Variants in HPSE2 observed in about 807,000 individuals in gnomAD.
HPSE2 encodes the protein heparanase 2 (inactive).
Under a neutral mutation model 60.5 loss-of-function variants are expected in HPSE2, and 38 were observed. That is an observed-to-expected ratio of 0.63 (90% CI 0.48 to 0.82). HPSE2 has a LOEUF of 0.82. Ranked by LOEUF, HPSE2 falls within the 40% of genes least tolerant of loss-of-function variation. The pLI is 0.00. For synonymous variants in HPSE2, 295 were observed against 293.2 expected (o/e 1.01, Z -0.06); for missense variants, 713 against 740.4 (o/e 0.96, Z 0.43).
At chr10:98,897,668 T>C (rs1953533178) in intron 3 of HPSE2, among the ~76,000 whole-genome samples, 1 of 152,064 alleles carries the variant, frequency 6.6e-6, no homozygotes, top group Non-Finnish European at 1.5e-5. Context: ...AAAACAAAGC[T>C]AGATTCAGAT....
intron 3 of HPSE2, among the ~76,000 whole-genome samples, chr10:98,925,653 G>A (rs1215176756): frequency 6.6e-6 from 1 of 152,198 alleles, no homozygotes; most frequent in Non-Finnish European, 1.5e-5. Context: ...AGAGTTTCAT[G>A]AGGGTAAGTC....
At chr10:98,759,489 C>A (rs1056772201) in intron 3 of HPSE2, among the ~76,000 whole-genome samples, 1 of 151,994 alleles carries the variant, frequency 6.6e-6, no homozygotes, top group Non-Finnish European at 1.5e-5. Context: ...AAATAAGGAT[C>A]CAATTTCATT....
At chr10:98,687,265 G>A (rs1487492014) in intron 6 of HPSE2, among the ~76,000 whole-genome samples, 1 of 152,160 alleles carries the variant, frequency 6.6e-6, no homozygotes, top group Non-Finnish European at 1.5e-5. Flanking sequence ...GATGCTAAGG[G>A]AAAATTCATA....
intron 3 of HPSE2, among the ~76,000 whole-genome samples, chr10:98,984,227 A>C (rs2135310971): frequency 6.6e-6 from 1 of 152,222 alleles, no homozygotes; most frequent in Non-Finnish European, 1.5e-5. Context: ...AGTAGCCTAA[A>C]TCGGAGGCAC....
At chr10:99,027,686 AC>A (rs1957409933) in intron 3 of HPSE2, among the ~76,000 whole-genome samples, 2 of 147,534 alleles carry the variant, frequency 1.4e-5, no homozygotes, top group South Asian at 4.4e-4. Flanking sequence ...TACCACCACC[AC>A]CACCACCACC....
chr10:99,112,588 CA>C (rs1197415969), intron 3 of HPSE2, among the ~76,000 whole-genome samples: 1 of 152,036 alleles, frequency 6.6e-6, no homozygotes, highest in African/African-American at 2.4e-5. Context: ...CGTGCCCGGC[CA>C]AAAATGACTA....
At chr10:99,154,627 G>C (rs1357808434) in intron 2 of HPSE2, among the ~76,000 whole-genome samples, 1 of 151,554 alleles carries the variant, frequency 6.6e-6, no homozygotes, top group Admixed American at 6.6e-5. Flanking sequence ...AGGAACAACC[G>C]GTACCAGCCG....
intron 2 of HPSE2, among the ~76,000 whole-genome samples, chr10:99,196,991 G>A (rs898487380): frequency 3.9e-5 from 6 of 152,112 alleles, no homozygotes; most frequent in African/African-American, 1.4e-4. Flanking sequence ...CAACAGATGA[G>A]TGAATAAAGA....
intron 3 of HPSE2, among the ~76,000 whole-genome samples, chr10:99,068,550 A>G (rs1842686085): frequency 6.6e-6 from 1 of 152,160 alleles, no homozygotes; most frequent in Admixed American, 6.5e-5. Context: ...CCCATGATTC[A>G]ATTATCTCCA....
chr10:99,313,590 CA>C, the HPSE2 span, among the ~76,000 whole-genome samples: 4 of 88,732 alleles, frequency 4.5e-5, no homozygotes, highest in African/African-American at 1.7e-4. Flanking sequence ...TGACTGACTC[CA>C]ATTTTTTTTT....
At chr10:99,060,204 A>T (rs538068669) in intron 3 of HPSE2, among the ~76,000 whole-genome samples, 1 of 152,168 alleles carries the variant, frequency 6.6e-6, no homozygotes, top group Non-Finnish European at 1.5e-5. Context: ...CTTGAGGCAT[A>T]TATTTGGGGA....
chr10:98,599,638 C>T (rs1440418946), intron 9 of HPSE2, among the ~76,000 whole-genome samples: 2 of 152,150 alleles, frequency 1.3e-5, no homozygotes, highest in African/African-American at 4.8e-5. Context: ...CTCCTTCCCC[C>T]AAGTGCAGGG....
intron 3 of HPSE2, among the ~76,000 whole-genome samples, chr10:98,876,922 A>G (rs1049425009): frequency 6.6e-6 from 1 of 152,008 alleles, no homozygotes; most frequent in East Asian, 1.9e-4. Context: ...CCTGAATCTC[A>G]TTACTTAATA....
At chr10:99,175,091 A>G (rs925747061) in intron 2 of HPSE2, among the ~76,000 whole-genome samples, 4 of 152,136 alleles carry the variant, frequency 2.6e-5, no homozygotes, top group Non-Finnish European at 4.4e-5. Flanking sequence ...CCCAGATACT[A>G]TGCTTTTCCC....
At chr10:99,132,640 G>A (rs1007754636) in intron 3 of HPSE2, among the ~76,000 whole-genome samples, 3 of 152,222 alleles carry the variant, frequency 2.0e-5, no homozygotes, top group Admixed American at 6.5e-5. Context: ...AGCACAAGGG[G>A]TCAGAGAATT....
At chr10:98,724,912 C>G (rs1949030272) in intron 4 of HPSE2, among the ~76,000 whole-genome samples, 1 of 151,996 alleles carries the variant, frequency 6.6e-6, no homozygotes, top group African/African-American at 2.4e-5. Flanking sequence ...AATAAAATAC[C>G]TAGGAATCCA....
chr10:98,644,088 T>C (rs1247900349), intron 6 of HPSE2, among the ~76,000 whole-genome samples: 1 of 152,150 alleles, frequency 6.6e-6, no homozygotes, highest in African/African-American at 2.4e-5. Flanking sequence ...CTGTGGCCCA[T>C]GGTTGAGGGT....
the HPSE2 span, among the ~76,000 whole-genome samples, chr10:99,313,846 G>C: frequency 0.86 from 129,876 of 151,430 alleles, 56,074 homozygotes; most frequent in African/African-American, 0.93. Flanking sequence ...ATAATCTGCC[G>C]GCCTCGACCT....
chr10:98,631,476 G>A (rs1468144855), intron 7 of HPSE2, among the ~76,000 whole-genome samples: 1 of 152,170 alleles, frequency 6.6e-6, no homozygotes. Context: ...CCTTTTCTGT[G>A]ACTAACCAAC....
Sources: gnomAD v4.1 joint callset for allele counts (sites outside exome capture counted in the v4.1 genomes callset) on GRCh38, gnomAD v4.1.1 for gene constraint, MANE v1.5 for transcripts, NCBI Gene and HGNC (gene_info 2026-07-23, HGNC 2026-07-21) for gene names.